The following UTRN variants were observed in gnomAD, a reference collection of about 807,000 sequenced individuals.
The protein encoded by UTRN is utrophin, also known as dystrophin-related protein 1.
Under a neutral mutation model 463.9 loss-of-function variants are expected in UTRN, and 283 were observed. The ratio of observed to expected loss-of-function variants is 0.61; its 90% CI spans 0.55 to 0.67. The LOEUF (loss-of-function observed/expected upper bound fraction) is 0.67, where lower values mean the gene tolerates loss of function less well. Among genes scored for constraint, UTRN ranks in the 30% least tolerant of loss-of-function variants. The pLI is 0.00. For missense variants in UTRN, 3,922 were observed against 4,084.3 expected, an observed-to-expected ratio of 0.96 and a Z score of 1.08; for synonymous variants, 1,442 against 1,431.5, an observed-to-expected ratio of 1.01 and a Z score of -0.17.
chr6:144,773,282 C>T (rs1479613262), intron 59 of UTRN, among the ~76,000 whole-genome samples: 3 of 152,058 alleles, frequency 2.0e-5, no homozygotes, highest in Non-Finnish European at 4.4e-5. Flanking sequence ...GAATAGTGAA[C>T]TGGACAGTGT....
At position 144,793,760 on chromosome 6, in the gene UTRN, C is replaced by T. The variant is rs371296355; in HGVS notation, c.8921-74C>T. On this transcript the variant is annotated intron_variant, in intron 62 of 74. Transcript: ENST00000367545. The stretch of plus-strand genomic sequence containing the variant: ...TTTTTAATCTGCATGGTTCAGTCCA[C>T]ATTACCAAAGATATATTTTAAGTAA... 2.1e-5 allele frequency: 33 copies of T among 1,544,852 alleles called. No homozygotes were observed. The East Asian group carries it at 2.3e-4, about 11-fold the overall frequency.
intron 52 of UTRN, among the ~76,000 whole-genome samples, chr6:144,685,875 C>T (rs1782704798): frequency 6.6e-6 from 1 of 152,062 alleles, no homozygotes; most frequent in Non-Finnish European, 1.5e-5. Flanking sequence ...TTTTGCTGTG[C>T]AGAAGCATTT....
At chr6:144,469,570 G>A (rs1485426909) in intron 23 of UTRN, among the ~76,000 whole-genome samples, 1 of 152,200 alleles carries the variant, frequency 6.6e-6, no homozygotes, top group Non-Finnish European at 1.5e-5. Flanking sequence ...TTAGAGCACA[G>A]TGTGGTTAGA....
At chr6:144,501,261 C>T (rs949407070) in intron 34 of UTRN, among the ~76,000 whole-genome samples, 1 of 152,082 alleles carries the variant, frequency 6.6e-6, no homozygotes, top group Non-Finnish European at 1.5e-5. Flanking sequence ...AACAAAGGCA[C>T]CAAACTTTAT....
intron 48 of UTRN, among the ~76,000 whole-genome samples, chr6:144,552,936 T>A (rs2128612684): frequency 6.6e-6 from 1 of 152,332 alleles, no homozygotes; most frequent in Middle Eastern, 3.4e-3. Flanking sequence ...CTTAAGCAAT[T>A]TATTTAAACA....
At chr6:144,723,946 G>A (rs1787512601) in intron 53 of UTRN, among the ~76,000 whole-genome samples, 2 of 144,732 alleles carry the variant, frequency 1.4e-5, no homozygotes, top group South Asian at 4.4e-4. Context: ...GGAGGCAGAG[G>A]TTGCAGTGAG....
At chr6:144,403,084 C>G in intron 2 of UTRN, 39 bp from the exon 3 acceptor site, 2 of 1,579,718 alleles carry the variant, frequency 1.3e-6, no homozygotes, top group South Asian at 1.1e-5. Context: ...GGTACAGACT[C>G]TCATACTTTT....
At position 144,656,700 on chromosome 6, in the gene UTRN, C is replaced by A. The variant is rs140142377; in HGVS notation, c.7480-21706C>A. On this transcript the variant is annotated intron_variant, in intron 51 of 74. Transcript: ENST00000367545. ...GTATCAGTTATCAAAGAGTGCAATA[C>A]TTTTGAGTAATATATTAGATATTTA... 2.2e-4 allele frequency among the ~76,000 whole-genome samples: 33 copies of A among 152,264 alleles called. No homozygotes were observed. In the East Asian group the frequency reaches 6.0e-3, roughly 28 times the overall value.
intron 51 of UTRN, among the ~76,000 whole-genome samples, chr6:144,644,838 A>G (rs1202292029): frequency 6.6e-6 from 1 of 152,208 alleles, no homozygotes; most frequent in Non-Finnish European, 1.5e-5. Context: ...ACACACATGT[A>G]TGCCTATGAT....
intron 2 of UTRN, among the ~76,000 whole-genome samples, chr6:144,361,535 G>A (rs1411260415): frequency 6.6e-6 from 1 of 151,954 alleles, no homozygotes; most frequent in Non-Finnish European, 1.5e-5. Flanking sequence ...GCTAAAAGGG[G>A]CATTGCGGGG....
intron 39 of UTRN, among the ~76,000 whole-genome samples, chr6:144,518,730 G>A (rs1585096445): frequency 1.3e-5 from 2 of 152,148 alleles, no homozygotes; most frequent in East Asian, 3.8e-4. Context: ...ATAGAAATAA[G>A]TTTTAAGCTT....
intron 34 of UTRN, among the ~76,000 whole-genome samples, chr6:144,500,299 A>G (rs1199866063): frequency 2.6e-5 from 4 of 152,136 alleles, no homozygotes; most frequent in Non-Finnish European, 5.9e-5. Flanking sequence ...CTTTTTAATA[A>G]TAGCTATTCT....
intron 21 of UTRN, among the ~76,000 whole-genome samples, chr6:144,460,546 C>T (rs1406836956): frequency 1.3e-5 from 2 of 152,208 alleles, no homozygotes; most frequent in Non-Finnish European, 2.9e-5. Context: ...CCTCTTTCTC[C>T]ACTTATTGGT....
Position 144,286,230 on chromosome 6 carries a change from C to G in UTRN, c.-93+409C>G, listed in dbSNP as rs1484121597. Reference sequence around the variant, plus strand: ...TGGGCCAGTGATTTGCAAGAGGGGACGTGGCCTCTTAGGAGAGTCTGTCAC... The same window carrying G: ...TGGGCCAGTGATTTGCAAGAGGGGAGGTGGCCTCTTAGGAGAGTCTGTCAC... On this transcript the variant is annotated intron_variant, in intron 1 of 74. Coordinates refer to ENST00000367545, the MANE Select transcript of UTRN (RefSeq NM_007124.3). The surrounding 1 kb of genome is among the most constrained non-coding windows in gnomAD (Gnocchi z 4.4). Among the ~76,000 whole-genome samples the G allele has an allele frequency of 6.6e-6, 1 of 151,250 alleles. No individual in the cohort carries two copies. Among genetic ancestry groups the G allele is most frequent in the Non-Finnish European group, 1.5e-5 (1 of 68,040 alleles).
chr6:144,367,515 A>T (rs2114702467), intron 2 of UTRN, among the ~76,000 whole-genome samples: 1 of 152,272 alleles, frequency 6.6e-6, no homozygotes, highest in African/African-American at 2.4e-5. Flanking sequence ...AGAATAATAG[A>T]ATATTTTCTA....
chr6:144,734,830 A>C (rs1789186267), intron 54 of UTRN, among the ~76,000 whole-genome samples: 1 of 152,206 alleles, frequency 6.6e-6, no homozygotes, highest in African/African-American at 2.4e-5. Context: ...CATGTGACTC[A>C]GAGAAGTCAG....
chr6:144,819,930 CTCTT>C (rs1779446868), intron 65 of UTRN, among the ~76,000 whole-genome samples: 1 of 149,184 alleles, frequency 6.7e-6, no homozygotes. Flanking sequence ...CTCTCTCTCT[CTCTT>C]TCTGTCTCTA....
At chr6:144,729,787 G>A (rs76828186) in intron 53 of UTRN, among the ~76,000 whole-genome samples, 5,436 of 152,326 alleles carry the variant, frequency 0.036, 284 homozygotes, top group African/African-American at 0.11. Flanking sequence ...GCCTCAGCAT[G>A]AGAGATGGAA....
Position 144,531,700 on chromosome 6 carries a change from G to A in UTRN, c.6057+498G>A, listed in dbSNP as rs78505855. On this transcript the variant is annotated intron_variant, in intron 42 of 74. Coordinates refer to ENST00000367545, the MANE Select transcript of UTRN (RefSeq NM_007124.3). ...CACAAAGTTAGTTCTGATAACAATA[G>A]GTCTTTAAAAATAATGGTAGAAAGC... 2.3e-3 allele frequency among the ~76,000 whole-genome samples: 352 copies of A among 152,024 alleles called. 2 individuals carry two copies. Among genetic ancestry groups the A allele is most frequent in the African/African-American group, 7.9e-3 (327 of 41,456 alleles).
Sources: gnomAD v4.1 joint callset for allele counts (sites outside exome capture counted in the v4.1 genomes callset) on GRCh38, gnomAD v4.1.1 for gene constraint, Gnocchi (gnomAD v3.1) non-coding constraint, MANE v1.5 for transcripts, NCBI Gene and HGNC (gene_info 2026-07-23, HGNC 2026-07-21) for gene names.